TRPC1: variants seen among roughly 807,000 people sequenced by gnomAD.
The protein encoded by TRPC1 is transient receptor potential cation channel subfamily C member 1, also known as short transient receptor potential channel 1.
TRPC1 carries 42 observed loss-of-function variants against 88.2 expected under a neutral mutation model. That is an observed-to-expected ratio of 0.48 (90% CI 0.37 to 0.62). The LOEUF (loss-of-function observed/expected upper bound fraction) is 0.62. Among genes scored for constraint, TRPC1 ranks in the 20% least tolerant of loss-of-function variants. The pLI is 0.00. For synonymous variants in TRPC1, 288 were observed against 331.8 expected, an observed-to-expected ratio of 0.87 and a Z score of 1.43; for missense variants, 699 against 957.3, an observed-to-expected ratio of 0.73 and a Z score of 3.56.
At chr3:142,771,296 G>C (rs1935566514) in intron 4 of TRPC1, among the ~76,000 whole-genome samples, 1 of 151,976 alleles carries the variant, frequency 6.6e-6, no homozygotes, top group African/African-American at 2.4e-5. Flanking sequence ...GTTTCTCTAG[G>C]ACTTGTCATA....
chr3:142,766,310 C>T (rs1935385755), intron 4 of TRPC1, among the ~76,000 whole-genome samples: 2 of 151,330 alleles, frequency 1.3e-5, no homozygotes, highest in South Asian at 2.1e-4. Context: ...TGGGTGGGCA[C>T]AATCTAATAA....
Position 142,756,833 on chromosome 3 carries a change from G to A in TRPC1, c.632+8373G>A, listed in dbSNP as rs569410585. Among the ~76,000 whole-genome samples, 13 of 152,224 alleles carry A rather than the reference G, an allele frequency of 8.5e-5. No individual in the cohort carries two copies. The East Asian group carries it at 2.5e-3, about 29-fold the overall frequency. On this transcript the variant is annotated intron_variant, in intron 4 of 12. Transcript: ENST00000476941. ...AATTTACCATCTTTGCCATTTTTAA[G>A]TGTACAGTTCAGTGGTAATAAATAC...
chr3:142,749,217 C>T (rs373004031), intron 4 of TRPC1, among the ~76,000 whole-genome samples: 8 of 152,110 alleles, frequency 5.3e-5, no homozygotes, highest in African/African-American at 1.2e-4. Context: ...GCATTACTCA[C>T]GTTTGTGGTG....
chr3:142,782,699 G>A (rs943242179), intron 6 of TRPC1, among the ~76,000 whole-genome samples: 6 of 152,198 alleles, frequency 3.9e-5, no homozygotes, highest in African/African-American at 1.2e-4. Context: ...CAGGAACAGG[G>A]TGCTCAGATG....
rs1328576502 is a variant in TRPC1, at chr3:142,748,373, A to T, written c.545A>T (p.Asp182Val). The change falls in exon 4 of 13, where the codon GAT becomes GTT. Residue 182 changes from aspartate (D) to valine (V), a missense_variant. Physicochemically the swap from Asp to Val is radical, Grantham distance 152 (BLOSUM62 -3). This residue lies in a region of TRPC1 where 426 missense variants were observed against 641.3 expected (regional missense o/e 0.66). Transcript: ENST00000476941. ...YEILTMLLKQ[D>V]VSLPKPHAVG... is the part of the protein sequence containing the mutation. Reference sequence around the variant, plus strand: ...ATTCTTACAATGCTCTTAAAACAGGATGTATCTCTACCCAAGCCCCATGCA... The same window carrying T: ...ATTCTTACAATGCTCTTAAAACAGGTTGTATCTCTACCCAAGCCCCATGCA... 1 of 1,614,148 alleles carries T rather than the reference A, an allele frequency of 6.2e-7. No homozygotes were observed. Among genetic ancestry groups the T allele is most frequent in the Non-Finnish European group, 8.5e-7 (1 of 1,179,996 alleles).
chr3:142,738,870 C>T (rs779513298), intron 2 of TRPC1, among the ~76,000 whole-genome samples: 4 of 152,152 alleles, frequency 2.6e-5, no homozygotes, highest in Non-Finnish European at 4.4e-5. Context: ...AATAACTACT[C>T]TCTGCCAGGA....
At chr3:142,794,067 T>A in intron 9 of TRPC1, 1 of 180,928 alleles carries the variant, frequency 5.5e-6, no homozygotes, top group Non-Finnish European at 1.1e-5. Context: ...GTTCAAATCA[T>A]CATTACCTAA....
At chr3:142,784,233 C>T (rs1270145863) in intron 6 of TRPC1, among the ~76,000 whole-genome samples, 1 of 141,270 alleles carries the variant, frequency 7.1e-6, no homozygotes. Context: ...ATGGATTGTG[C>T]ATGATAACTT....
chr3:142,779,861 AT>A (rs1008974297), intron 5 of TRPC1, among the ~76,000 whole-genome samples: 24,226 of 125,302 alleles, frequency 0.19, 1,613 homozygotes, highest in African/African-American at 0.26. Context: ...AATGTAATTG[AT>A]TTTTTTTTTT....
chr3:142,748,477 T>G lies in TRPC1; in HGVS notation c.632+17T>G. ...GCATTCCAGGTTAGAACATTAAACT[T>G]TTGATAAATAGATGTGTGATATATA... is the stretch of plus-strand genomic sequence containing the variant. On this transcript the variant is annotated intron_variant, in intron 4 of 12. Transcript: ENST00000476941. The G allele has an allele frequency of 6.2e-7, 1 of 1,610,300 alleles. No homozygotes were observed. Among genetic ancestry groups the G allele is most frequent in the South Asian group, 1.1e-5 (1 of 90,942 alleles).
At chr3:142,784,656 T>C (rs922130179) in intron 6 of TRPC1, 48 bp from the exon 7 acceptor site, 43 of 1,419,086 alleles carry the variant, frequency 3.0e-5, no homozygotes, top group Non-Finnish European at 3.9e-5. Flanking sequence ...TATTTAAAGG[T>C]TTCCTTTTAC....
chr3:142,783,859 A>C (rs1371544839), intron 6 of TRPC1, among the ~76,000 whole-genome samples: 1 of 152,190 alleles, frequency 6.6e-6, no homozygotes, highest in Non-Finnish European at 1.5e-5. Flanking sequence ...TATATATAGA[A>C]TTATCAGGAC....
rs1245078759 is a variant in TRPC1, at chr3:142,724,780, T to C, written c.172+49T>C. 1 of 1,466,382 alleles carries C rather than the reference T, an allele frequency of 6.8e-7. No homozygotes were observed. The highest frequency in any genetic ancestry group is 9.1e-7 in the Non-Finnish European group (1 of 1,100,600). The allele number at this position is 1,466,382 out of a possible 1,614,324, so 90.8% of individuals were successfully genotyped here. On this transcript the variant is annotated intron_variant, in intron 1 of 12. Coordinates refer to ENST00000476941, the MANE Select transcript of TRPC1 (RefSeq NM_001251845.2). This position sits in a 1 kb window ranked among gnomAD's most constrained non-coding sequence, Gnocchi z 5.6. ...TCTGGACGCCCCTGTCCTCCAGACC[T>C]TTAGTCCTCTCCCCCGCCTCAACTT...
rs1250706711 is a variant in TRPC1, at chr3:142,805,663, A to ATGTTATAATCAAT, written c.2155-343_2155-342insTTATAATCAATTG. 5.3e-5 allele frequency among the ~76,000 whole-genome samples: 8 copies of ATGTTATAATCAAT among 152,266 alleles called. No individual in the cohort carries two copies. The East Asian group carries it at 1.5e-3, about 29-fold the overall frequency. On this transcript the variant is annotated intron_variant, in intron 12 of 12. Coordinates refer to ENST00000476941, the MANE Select transcript of TRPC1 (RefSeq NM_001251845.2). ...TTAAAATTAGTGTTATTATCAATTG[A>ATGTTATAATCAAT]TGATAAATGTTCATCTGTAAAATCT...
chr3:142,759,486 G>T (rs189700027), intron 4 of TRPC1, among the ~76,000 whole-genome samples: 2 of 152,308 alleles, frequency 1.3e-5, no homozygotes, highest in African/African-American at 4.8e-5. Flanking sequence ...TTTGAGAAGT[G>T]TCTGTTCATA....
At chr3:142,802,742 T>G (rs1364215086) in intron 10 of TRPC1, among the ~76,000 whole-genome samples, 11 of 152,056 alleles carry the variant, frequency 7.2e-5, no homozygotes. Flanking sequence ...CTTCAACACT[T>G]TTTAAGAGGT....
chr3:142,727,627 G>A (rs1056032044), intron 1 of TRPC1, among the ~76,000 whole-genome samples: 19 of 152,084 alleles, frequency 1.2e-4, no homozygotes, highest in African/African-American at 4.6e-4. Context: ...CTTTGTAAAG[G>A]AAAACCTTAA....
intron 3 of TRPC1, among the ~76,000 whole-genome samples, chr3:142,745,808 A>G (rs1180171833): frequency 6.6e-6 from 1 of 151,374 alleles, no homozygotes; most frequent in East Asian, 2.0e-4. Context: ...TCCAGGCTGC[A>G]GTGCAATGGC....
chr3:142,755,434 A>G (rs1210526672), intron 4 of TRPC1, among the ~76,000 whole-genome samples: 1 of 152,222 alleles, frequency 6.6e-6, no homozygotes, highest in Non-Finnish European at 1.5e-5. Context: ...TAAAAAAGAA[A>G]GAAAGAAATG....
Sources: gnomAD v4.1 joint callset for allele counts (sites outside exome capture counted in the v4.1 genomes callset) on GRCh38, gnomAD v4.1.1 for gene constraint, gnomAD v4.1.1 regional missense constraint, Gnocchi (gnomAD v3.1) non-coding constraint, MANE v1.5 for transcripts, NCBI Gene and HGNC (gene_info 2026-07-23, HGNC 2026-07-21) for gene names.